ATXN1: variants seen among roughly 807,000 people sequenced by gnomAD.
ATXN1 encodes ataxin 1.
ATXN1 carries 8 observed loss-of-function variants against 56.4 expected under a neutral mutation model. The observed-to-expected ratio is 0.14, with a 90% CI of 0.08 to 0.26. The LOEUF (loss-of-function observed/expected upper bound fraction) is 0.26, where lower values mean the gene tolerates loss of function less well. Among genes scored for constraint, ATXN1 ranks in the 10% least tolerant of loss-of-function variants. ATXN1 has a pLI of 1.00. For synonymous variants in ATXN1, 514 were observed against 494.6 expected (o/e 1.04, Z -0.52); for missense variants, 987 against 1,106.5 (o/e 0.89, Z 1.53).
intron 6 of ATXN1, among the ~76,000 whole-genome samples, chr6:16,366,174 T>G (rs1761915372): frequency 6.6e-6 from 1 of 152,184 alleles, no homozygotes; most frequent in South Asian, 2.1e-4. Flanking sequence ...ATGGCAAGTT[T>G]CATGACAGGT....
intron 2 of ATXN1, among the ~76,000 whole-genome samples, chr6:16,745,954 G>GTGTA (rs369672772): frequency 0.028 from 4,278 of 151,828 alleles, 154 homozygotes; most frequent in Admixed American, 0.093. Context: ...GTGTGTGTGT[G>GTGTA]TGTGTGTGTG....
At chr6:16,504,812 G>T (rs1760950746) in intron 5 of ATXN1, among the ~76,000 whole-genome samples, 1 of 152,134 alleles carries the variant, frequency 6.6e-6, no homozygotes, top group Non-Finnish European at 1.5e-5. Context: ...GTGTTAAGCT[G>T]TTCCTGACGT....
chr6:16,630,032 G>C (rs115811491), intron 3 of ATXN1, among the ~76,000 whole-genome samples: 3 of 152,042 alleles, frequency 2.0e-5, no homozygotes, highest in Admixed American at 6.6e-5. Context: ...TATTATAAAG[G>C]TTAAGATGAA....
chr6:16,318,669 G>A (rs1489879120), intron 7 of ATXN1, among the ~76,000 whole-genome samples: 1 of 152,246 alleles, frequency 6.6e-6, no homozygotes, highest in Non-Finnish European at 1.5e-5. Flanking sequence ...CTTGGTGGAA[G>A]TGTTTCAGGG....
intron 3 of ATXN1, among the ~76,000 whole-genome samples, chr6:16,617,615 A>C (rs1763238102): frequency 6.6e-6 from 1 of 151,986 alleles, no homozygotes; most frequent in Non-Finnish European, 1.5e-5. Flanking sequence ...ACACACACAA[A>C]AATTAGCCGG....
At chr6:16,550,557 C>T (rs1761902116) in intron 4 of ATXN1, among the ~76,000 whole-genome samples, 1 of 152,202 alleles carries the variant, frequency 6.6e-6, no homozygotes, top group Admixed American at 6.5e-5. Flanking sequence ...GCCTTTCATG[C>T]ATAATAGTTG....
rs56105499 is a variant in ATXN1, at chr6:16,440,649, A to AAAAAAAAAAAAAAAAAAAAAG, written c.-161+45322_-161+45323insCTTTTTTTTTTTTTTTTTTTT. Reference sequence around the variant, plus strand: ...GAGTGAGACCCTGTCTTAAAAAAAAAAAAGAAAAGAAAAGAAAAAATTAAA... The same window carrying AAAAAAAAAAAAAAAAAAAAAG: ...GAGTGAGACCCTGTCTTAAAAAAAAAAAAAAAAAAAAAAAAAAAAAGAAAGAAAAGAAAAGAAAAAATTAAA... On this transcript the variant is annotated intron_variant, in intron 6 of 7. Transcript: ENST00000436367. 4.9e-3 allele frequency among the ~76,000 whole-genome samples: 554 copies of AAAAAAAAAAAAAAAAAAAAAG among 113,518 alleles called. 20 individuals carry two copies. The highest frequency in any genetic ancestry group is 0.014 in the African/African-American group (376 of 27,124). The allele number at this position is 113,518 out of a possible 152,430, so 74.5% of individuals were successfully genotyped here.
intron 3 of ATXN1, among the ~76,000 whole-genome samples, chr6:16,626,507 T>C (rs2299073): frequency 0.62 from 94,856 of 151,936 alleles, 31,383 homozygotes; most frequent in African/African-American, 0.86. Context: ...GGCCAGGCTG[T>C]TCACGAACTC....
At chr6:16,641,220 A>G (rs1763700754) in intron 3 of ATXN1, among the ~76,000 whole-genome samples, 1 of 152,364 alleles carries the variant, frequency 6.6e-6, no homozygotes, top group South Asian at 2.1e-4. Context: ...AGAAAATTTA[A>G]CTAAGATCAT....
intron 3 of ATXN1, among the ~76,000 whole-genome samples, chr6:16,655,413 T>C (rs890993601): frequency 1.3e-5 from 2 of 152,188 alleles, no homozygotes; most frequent in Middle Eastern, 3.2e-3. Flanking sequence ...TCTCGGCTAC[T>C]GGTCTGTGAT....
chr6:16,639,672 A>AGGG (rs1763671992), intron 3 of ATXN1, among the ~76,000 whole-genome samples: 1 of 152,244 alleles, frequency 6.6e-6, no homozygotes, highest in Non-Finnish European at 1.5e-5. Flanking sequence ...TGCAGCTTCA[A>AGGG]CCAGCAGCAG....
At chr6:16,525,177 T>C (rs1336152531) in intron 4 of ATXN1, among the ~76,000 whole-genome samples, 1 of 152,162 alleles carries the variant, frequency 6.6e-6, no homozygotes, top group Non-Finnish European at 1.5e-5. Context: ...GGGTATATAC[T>C]CAAAAGAAAG....
intron 3 of ATXN1, among the ~76,000 whole-genome samples, chr6:16,628,490 G>A (rs1286103760): frequency 2.0e-5 from 3 of 152,122 alleles, no homozygotes; most frequent in Non-Finnish European, 1.5e-5. Flanking sequence ...TTAGGTTCAG[G>A]GGTACATGTG....
At chr6:16,724,264 T>C (rs145017131) in intron 2 of ATXN1, among the ~76,000 whole-genome samples, 9 of 152,218 alleles carry the variant, frequency 5.9e-5, no homozygotes, top group African/African-American at 1.9e-4. Flanking sequence ...TCCTTCAGTA[T>C]GAATCGAGAG....
chr6:16,353,017 G>A (rs1327432951), intron 6 of ATXN1, among the ~76,000 whole-genome samples: 2 of 152,114 alleles, frequency 1.3e-5, no homozygotes, highest in African/African-American at 2.4e-5. Flanking sequence ...GCTGCGCAGC[G>A]GACAAGCTGG....
chr6:16,474,046 A>C (rs1182582939), intron 6 of ATXN1, among the ~76,000 whole-genome samples: 1 of 152,190 alleles, frequency 6.6e-6, no homozygotes, highest in Non-Finnish European at 1.5e-5. Flanking sequence ...CCTCAGCAGA[A>C]CTTACTGAAA....
intron 6 of ATXN1, among the ~76,000 whole-genome samples, chr6:16,336,674 T>C (rs1468260415): frequency 2.0e-5 from 3 of 152,178 alleles, no homozygotes; most frequent in Non-Finnish European, 4.4e-5. Flanking sequence ...GCCTGCAACC[T>C]GGCACAGGCT....
At chr6:16,384,331 C>T (rs1256157554) in intron 6 of ATXN1, among the ~76,000 whole-genome samples, 1 of 152,174 alleles carries the variant, frequency 6.6e-6, no homozygotes, top group East Asian at 1.9e-4. Context: ...CTTGCTCAGA[C>T]TGGTGTGACC....
intron 3 of ATXN1, among the ~76,000 whole-genome samples, chr6:16,605,839 C>T (rs779110809): frequency 2.0e-5 from 3 of 152,064 alleles, no homozygotes; most frequent in South Asian, 2.1e-4. Flanking sequence ...GCCAAGATAA[C>T]GATACTGACC....
Sources: allele counts gnomAD v4.1 joint callset (sites outside exome capture counted in the v4.1 genomes callset), GRCh38; gene constraint gnomAD v4.1.1; transcripts MANE v1.5; gene names NCBI Gene and HGNC (gene_info 2026-07-23, HGNC 2026-07-21).